C8orf34: variants seen among roughly 807,000 people sequenced by gnomAD.
The protein encoded by C8orf34 is uncharacterized protein C8orf34.
Under a neutral mutation model 68.3 loss-of-function variants are expected in C8orf34, and 65 were observed. The ratio of observed to expected loss-of-function variants is 0.95; its 90% CI spans 0.78 to 1.17. The LOEUF is 1.17. Ranked by LOEUF, C8orf34 falls within the 50% of genes most tolerant of loss-of-function variation. C8orf34 has a pLI of 0.00. For missense variants in C8orf34, 664 were observed against 655.4 expected (o/e 1.01, Z -0.14); for synonymous variants, 244 against 241.2 (o/e 1.01, Z -0.11).
At chr8:68,787,933 T>C (rs1425940052) in intron 12 of C8orf34, among the ~76,000 whole-genome samples, 1 of 152,204 alleles carries the variant, frequency 6.6e-6, no homozygotes, top group African/African-American at 2.4e-5. Context: ...ATGAAGATAT[T>C]TACATATGTA....
intron 3 of C8orf34, among the ~76,000 whole-genome samples, 178 bp from the exon 4 acceptor site, chr8:68,468,514 T>C (rs147981955): frequency 2.6e-5 from 4 of 152,056 alleles, no homozygotes; most frequent in African/African-American, 9.7e-5. Flanking sequence ...AGTTAAAATA[T>C]TTTCTTTAAG....
At chr8:68,577,457 G>A (rs797014488) in intron 7 of C8orf34, among the ~76,000 whole-genome samples, 42 of 151,848 alleles carry the variant, frequency 2.8e-4, no homozygotes, top group African/African-American at 9.6e-4. Context: ...ATTGCCTTAC[G>A]TTACCAATTT....
rs558520819 is a variant in C8orf34 at position 68,660,516 on chromosome 8, C to G, written c.1241+20005C>G. Among the ~76,000 whole-genome samples, 4 of 152,256 alleles carry G rather than the reference C, an allele frequency of 2.6e-5. No homozygotes were observed. In the South Asian group the frequency reaches 8.3e-4, roughly 32 times the overall value. On this transcript the variant is annotated intron_variant, in intron 8 of 13. Coordinates refer to ENST00000518698, the MANE Select transcript of C8orf34 (RefSeq NM_052958.4). ...CTCGTAACCTTTGAGTTCCTTAGAC[C>G]TTGTCTATGCCATGGATACTAGCAT...
At chr8:68,649,869 A>G (rs560582714) in intron 8 of C8orf34, among the ~76,000 whole-genome samples, 23 of 152,180 alleles carry the variant, frequency 1.5e-4, no homozygotes, top group African/African-American at 5.3e-4. Context: ...GTAGACTTCA[A>G]TTTTCTGTAT....
chr8:68,500,802 A>AT lies in C8orf34; in HGVS notation c.765+12760dup, dbSNP rs200635991. On this transcript the variant is annotated intron_variant, in intron 5 of 13. Transcript: ENST00000518698. ...GCAAATCAGGGGAAGGGTATACAGA[A>AT]TTTTTTTTTCTTTTTGCAACTTTTC... Among the ~76,000 whole-genome samples the AT allele has an allele frequency of 7.5e-3, 1,136 of 151,848 alleles. 11 individuals are homozygous for AT. The highest frequency in any genetic ancestry group is 0.026 in the African/African-American group (1,056 of 41,410).
rs1818381577 is a variant in C8orf34 at position 68,621,267 on chromosome 8, C to T, written c.1106-19109C>T. Among the ~76,000 whole-genome samples, 4 of 152,002 alleles carry T rather than the reference C, an allele frequency of 2.6e-5. No homozygotes were observed. The South Asian group carries it at 6.2e-4, about 24-fold the overall frequency. The stretch of plus-strand genomic sequence containing the variant: ...CAGTCTTTGTGTGTGTGTGTGTCTT[C>T]TATGAAAAGCTGCTACAAGCTGACT... On this transcript the variant is annotated intron_variant, in intron 7 of 13. Coordinates refer to ENST00000518698, the MANE Select transcript of C8orf34 (RefSeq NM_052958.4).
At chr8:68,690,944 G>A (rs1473343771) in intron 8 of C8orf34, among the ~76,000 whole-genome samples, 1 of 152,052 alleles carries the variant, frequency 6.6e-6, no homozygotes, top group South Asian at 2.1e-4. Flanking sequence ...TAAGAAGAAT[G>A]CTACTTTCCT....
At chr8:68,704,391 A>C (rs1167144835) in intron 8 of C8orf34, among the ~76,000 whole-genome samples, 1 of 150,508 alleles carries the variant, frequency 6.6e-6, no homozygotes, top group Non-Finnish European at 1.5e-5. Context: ...GCTTAATAAC[A>C]AAACACCTGA....
intron 8 of C8orf34, among the ~76,000 whole-genome samples, chr8:68,674,288 C>G (rs1820111309): frequency 6.6e-6 from 1 of 152,054 alleles, no homozygotes; most frequent in African/African-American, 2.4e-5. Context: ...GAAAAATGAC[C>G]TCACCAGATG....
intron 10 of C8orf34, among the ~76,000 whole-genome samples, chr8:68,763,327 T>C (rs964070658): frequency 6.6e-6 from 1 of 152,214 alleles, no homozygotes; most frequent in Non-Finnish European, 1.5e-5. Context: ...TCCTTGATAA[T>C]GATGCTGCCT....
At chr8:68,803,854 T>C (rs1824404475) in intron 12 of C8orf34, among the ~76,000 whole-genome samples, 1 of 152,096 alleles carries the variant, frequency 6.6e-6, no homozygotes, top group African/African-American at 2.4e-5. Flanking sequence ...TAGTACTTTT[T>C]TGCATATTAC....
chr8:68,459,875 T>C (rs1586180948), intron 3 of C8orf34, among the ~76,000 whole-genome samples: 1 of 151,972 alleles, frequency 6.6e-6, no homozygotes, highest in East Asian at 1.9e-4. Flanking sequence ...AGAAGACAGG[T>C]GATTTCTGCA....
chr8:68,368,503 G>T (rs1807414560), intron 1 of C8orf34, among the ~76,000 whole-genome samples: 1 of 152,066 alleles, frequency 6.6e-6, no homozygotes, highest in African/African-American at 2.4e-5. Flanking sequence ...TGCTAGTTAA[G>T]ACCTTTAATA....
chr8:68,569,479 G>A (rs1033795541), intron 7 of C8orf34, among the ~76,000 whole-genome samples: 6 of 151,028 alleles, frequency 4.0e-5, no homozygotes, highest in African/African-American at 7.4e-5. Flanking sequence ...ATTGATGCCC[G>A]GGACTCCCAG....
chr8:68,754,749 T>C (rs1238569224), intron 10 of C8orf34, among the ~76,000 whole-genome samples: 2 of 152,236 alleles, frequency 1.3e-5, no homozygotes, highest in Non-Finnish European at 2.9e-5. Context: ...ATGGGTATCA[T>C]AGTCTATTAC....
At chr8:68,531,056 T>G (rs954146963) in intron 6 of C8orf34, among the ~76,000 whole-genome samples, 6 of 152,162 alleles carry the variant, frequency 3.9e-5, no homozygotes, top group African/African-American at 1.4e-4. Flanking sequence ...TCTATCATAT[T>G]ATCATATTCT....
At chr8:68,423,198 C>G (rs887027147) in intron 1 of C8orf34, among the ~76,000 whole-genome samples, 2 of 152,150 alleles carry the variant, frequency 1.3e-5, no homozygotes, top group Non-Finnish European at 2.9e-5. Context: ...TTTTTCCCTT[C>G]TATCACATTG....
rs540094427 is a variant in C8orf34 at position 68,673,665 on chromosome 8, T to C, written c.1241+33154T>C. Reference sequence around the variant, plus strand: ...TTCCTATTCAACCCTAGGCTCTGGCTCCTAGAAAACATCTGTGGATCCTCA... The same window carrying C: ...TTCCTATTCAACCCTAGGCTCTGGCCCCTAGAAAACATCTGTGGATCCTCA... On this transcript the variant is annotated intron_variant, in intron 8 of 13. Transcript: ENST00000518698. 5.9e-5 allele frequency among the ~76,000 whole-genome samples: 9 copies of C among 152,234 alleles called. No homozygotes were observed. In the East Asian group the frequency reaches 1.7e-3, roughly 29 times the overall value.
chr8:68,534,850 C>T, intron 7 of C8orf34: 1 of 985,356 alleles, frequency 1.0e-6, no homozygotes, highest in Non-Finnish European at 1.2e-6. Flanking sequence ...GTCTCCCAAG[C>T]TGAAGACCGA....
Sources: gnomAD v4.1 joint callset for allele counts (sites outside exome capture counted in the v4.1 genomes callset) on GRCh38, gnomAD v4.1.1 for gene constraint, MANE v1.5 for transcripts, NCBI Gene and HGNC (gene_info 2026-07-23, HGNC 2026-07-21) for gene names.